PTTG1IP: variants seen among roughly 807,000 people sequenced by gnomAD.
PTTG1IP encodes PTTG1 interacting protein.
PTTG1IP carries 16 observed loss-of-function variants against 24.4 expected under a neutral mutation model. The ratio of observed to expected loss-of-function variants is 0.66; its 90% confidence interval spans 0.44 to 1.00. The LOEUF (loss-of-function observed/expected upper bound fraction) is 1.00. PTTG1IP is among the 50% of genes least tolerant of loss of function. The pLI is 0.00. For synonymous variants in PTTG1IP, 89 were observed against 96.8 expected (o/e 0.92, Z 0.47); for missense variants, 241 against 245.8 (o/e 0.98, Z 0.13).
At chr21:44,864,804 C>T (rs756035363) in intron 2 of PTTG1IP, among the ~76,000 whole-genome samples, 6 of 152,330 alleles carry the variant, frequency 3.9e-5, no homozygotes, top group South Asian at 2.1e-4. Context: ...GAAGGCACCC[C>T]GGGGAGTCTC....
rs191289113 is a variant in PTTG1IP at position 44,860,457 on chromosome 21, C to T, written c.277+706G>A. ...CTCCAAAATCAAATATACAAAGATA[C>T]GCACACAAAAAAAGAGGGCTGTCTA... On this transcript the variant is annotated intron_variant, in intron 3 of 5. Coordinates refer to ENST00000330938, the MANE Select transcript of PTTG1IP (RefSeq NM_004339.4). 2.0e-4 allele frequency among the ~76,000 whole-genome samples: 18 copies of T among 92,182 alleles called. No homozygotes were observed. In the South Asian group the frequency reaches 3.5e-3, roughly 18 times the overall value. The allele number at this position is 92,182 out of a possible 152,430, so 60.5% of individuals were successfully genotyped here.
intron 2 of PTTG1IP, among the ~76,000 whole-genome samples, chr21:44,865,124 A>G (rs1251169723): frequency 6.6e-6 from 1 of 152,190 alleles, no homozygotes; most frequent in Non-Finnish European, 1.5e-5. Flanking sequence ...CCTCGTTAGG[A>G]AGACTGGCCA....
chr21:44,852,634 C>T (rs533692383), intron 5 of PTTG1IP, among the ~76,000 whole-genome samples: 9 of 152,182 alleles, frequency 5.9e-5, no homozygotes, highest in Non-Finnish European at 8.8e-5. Context: ...TTCTTTCTTG[C>T]CTGTCAAGGA....
At chr21:44,871,297 TG>T (rs926584185) in intron 1 of PTTG1IP, among the ~76,000 whole-genome samples, 1 of 152,092 alleles carries the variant, frequency 6.6e-6, no homozygotes, top group African/African-American at 2.4e-5. Flanking sequence ...AGCAGCTGAG[TG>T]GGACCCACCA....
chr21:44,856,643 G>T (rs986234009), intron 3 of PTTG1IP, among the ~76,000 whole-genome samples: 7 of 152,320 alleles, frequency 4.6e-5, no homozygotes, highest in South Asian at 2.1e-4. Context: ...GAACTGAAGT[G>T]ACAGGGTAGT....
intron 3 of PTTG1IP, among the ~76,000 whole-genome samples, chr21:44,857,884 A>C (rs1470858760): frequency 6.6e-6 from 1 of 152,232 alleles, no homozygotes; most frequent in Non-Finnish European, 1.5e-5. Flanking sequence ...AATTATAGTA[A>C]GAGGGAGAAC....
intron 5 of PTTG1IP, among the ~76,000 whole-genome samples, chr21:44,852,304 T>C (rs2083417391): frequency 6.6e-6 from 1 of 152,074 alleles, no homozygotes; most frequent in South Asian, 2.1e-4. Flanking sequence ...TGCCTCAGCC[T>C]CCGGGTAGCT....
intron 2 of PTTG1IP, among the ~76,000 whole-genome samples, chr21:44,863,912 T>C (rs1412941009): frequency 6.6e-6 from 1 of 152,258 alleles, no homozygotes; most frequent in African/African-American, 2.4e-5. Context: ...TTTAAGAACA[T>C]GGCTCATGCC....
chr21:44,868,213 TCCCAAGTCCCCAG>T, intron 1 of PTTG1IP, among the ~76,000 whole-genome samples: 1 of 152,298 alleles, frequency 6.6e-6, no homozygotes, highest in Non-Finnish European at 1.5e-5. Context: ...CTGCTGACGT[TCCCAAGTCCCCAG>T]CTACTTGGCA....
rs138905137 is a variant in PTTG1IP at position 44,870,234 on chromosome 21, T to A, written c.115+3268A>T. ...TTCTATTCTATCCTTTGAAAACATA[T>A]CATCTTGCATAGTAAGAAAAGAAAG... On this transcript the variant is annotated intron_variant, in intron 1 of 5. Coordinates refer to ENST00000330938, the MANE Select transcript of PTTG1IP (RefSeq NM_004339.4). Among the ~76,000 whole-genome samples the A allele has an allele frequency of 6.8e-3, 1,032 of 152,194 alleles. 9 individuals carry two copies. Among genetic ancestry groups the A allele is most frequent in the Non-Finnish European group, 0.011 (720 of 68,004 alleles).
At position 44,851,293 on chromosome 21, in the gene PTTG1IP, G is replaced by A. The variant is rs1240415863; in HGVS notation, c.*288C>T. The A allele has an allele frequency of 5.6e-6, 8 of 1,439,924 alleles. No individual in the cohort carries two copies. The highest frequency in any genetic ancestry group is 5.5e-6 in the Non-Finnish European group (6 of 1,087,046). The allele number at this position is 1,439,924 out of a possible 1,614,324, so 89.2% of individuals were successfully genotyped here. A position where few individuals can be genotyped will look rare whatever the true frequency, so the allele number is the denominator to read the frequency against. On this transcript the variant is annotated 3_prime_UTR_variant, in exon 6 of 6. Transcript: ENST00000330938. ...GTGCCGTCAGGCGGCTTCGTGTGCA[G>A]TTAGCGTTTCACAAACTGAGAAGAG...
chr21:44,871,939 C>A (rs2083589468), intron 1 of PTTG1IP, among the ~76,000 whole-genome samples: 1 of 152,210 alleles, frequency 6.6e-6, no homozygotes, highest in Non-Finnish European at 1.5e-5. Context: ...AGCTGACACA[C>A]CGAATGGCAG....
intron 2 of PTTG1IP, 127 bp from the exon 3 acceptor site, chr21:44,861,398 C>G (rs1218563448): frequency 1.7e-5 from 13 of 746,006 alleles, no homozygotes; most frequent in Admixed American, 8.2e-5. Context: ...CAACCTCCCC[C>G]TCAACGCCTC....
At chr21:44,871,035 G>A (rs2083580716) in intron 1 of PTTG1IP, among the ~76,000 whole-genome samples, 2 of 152,226 alleles carry the variant, frequency 1.3e-5, no homozygotes, top group Admixed American at 6.5e-5. Flanking sequence ...AACGGGCATG[G>A]TGCCCACTCT....
At chr21:44,861,417 CT>C in intron 2 of PTTG1IP, 146 bp from the exon 3 acceptor site, 1 of 673,880 alleles carries the variant, frequency 1.5e-6, no homozygotes, top group Admixed American at 2.8e-5. Context: ...TCATCTCTGC[CT>C]TCACCCTCAG....
chr21:44,863,075 C>T (rs1319128899), intron 2 of PTTG1IP, among the ~76,000 whole-genome samples: 4 of 134,962 alleles, frequency 3.0e-5, no homozygotes, highest in Middle Eastern at 3.8e-3. Context: ...CAGCCCGCCA[C>T]GGCCTCGGCA....
Position 44,862,474 on chromosome 21 carries a change from G to A in PTTG1IP, c.169-1203C>T, listed in dbSNP as rs1036355924. ...GCGCAGGTTGCGGTGAGCCGAGATCGCACCATTGCACTCCAGCCTGGGCAA... is the reference window on the plus strand; with the variant it reads ...GCGCAGGTTGCGGTGAGCCGAGATCACACCATTGCACTCCAGCCTGGGCAA... On this transcript the variant is annotated intron_variant, in intron 2 of 5. Coordinates refer to ENST00000330938, the MANE Select transcript of PTTG1IP (RefSeq NM_004339.4). 1.1e-4 allele frequency among the ~76,000 whole-genome samples: 17 copies of A among 152,194 alleles called. 1 individual carries two copies. In the South Asian group the frequency reaches 3.1e-3, roughly 28 times the overall value.
At chr21:44,866,786 G>A (rs1172633185) in intron 1 of PTTG1IP, among the ~76,000 whole-genome samples, 2 of 152,082 alleles carry the variant, frequency 1.3e-5, no homozygotes, top group African/African-American at 4.8e-5. Flanking sequence ...AATGACAGAT[G>A]ACTACACACC....
Position 44,861,179 on chromosome 21 carries a change from G to GC in PTTG1IP, c.260dup (p.Trp88LeufsTer9), listed in dbSNP as rs1213824724. The GC allele has an allele frequency of 6.2e-7, 1 of 1,613,458 alleles. No individual in the cohort carries two copies. On this transcript the variant is annotated frameshift_variant, in exon 3 of 6. Coordinates refer to ENST00000330938, the MANE Select transcript of PTTG1IP (RefSeq NM_004339.4). LOFTEE classifies it high-confidence loss of function. ...ATGACTTACCCCAACAAACTCCCCA[G>GC]CGTGCAGAGCTCAATTTACAAAGGG...
Sources: allele counts gnomAD v4.1 joint callset (sites outside exome capture counted in the v4.1 genomes callset), GRCh38; gene constraint gnomAD v4.1.1; transcripts MANE v1.5; gene names NCBI Gene and HGNC (gene_info 2026-07-23, HGNC 2026-07-21).